The following KLRG1 variants were observed in gnomAD, a reference collection of about 807,000 sequenced individuals.
KLRG1 encodes killer cell lectin like receptor G1.
In KLRG1, 16 loss-of-function variants were observed where a neutral mutation model predicts 21.8. That is an observed-to-expected ratio of 0.73 (90% confidence interval 0.50 to 1.11). The LOEUF (loss-of-function observed/expected upper bound fraction) is 1.11, where lower values mean the gene tolerates loss of function less well. Among genes scored for constraint, KLRG1 ranks in the 50% most tolerant of loss-of-function variants. The pLI is 0.00. For missense variants in KLRG1, 173 were observed against 218.3 expected, an observed-to-expected ratio of 0.79 and a Z score of 1.31; for synonymous variants, 69 against 75.9, an observed-to-expected ratio of 0.91 and a Z score of 0.47.
the KLRG1 span, among the ~76,000 whole-genome samples, chr12:9,114,799 G>A: frequency 6.6e-6 from 1 of 151,938 alleles, no homozygotes; most frequent in Non-Finnish European, 1.5e-5. Flanking sequence ...TAAATAGAAT[G>A]TAACCATAAA....
chr12:9,035,694 A>G, the KLRG1 span, among the ~76,000 whole-genome samples: 2 of 152,180 alleles, frequency 1.3e-5, no homozygotes, highest in Non-Finnish European at 2.9e-5. Flanking sequence ...AGGCACATGC[A>G]CGTGCATGTT....
chr12:8,955,500 C>T (rs77380833), intron 1 of KLRG1, among the ~76,000 whole-genome samples: 2,523 of 130,248 alleles, frequency 0.019, 79 homozygotes, highest in African/African-American at 0.061. Context: ...AAATGATCCT[C>T]CCAGCTAGCC....
At chr12:9,194,387 T>C in the KLRG1 span, 1 of 640,986 alleles carries the variant, frequency 1.6e-6, no homozygotes, top group Non-Finnish European at 2.6e-6. Flanking sequence ...GACAAAATGT[T>C]TCCTTCCATT....
chr12:9,213,849 A>C, the KLRG1 span, among the ~76,000 whole-genome samples: 1 of 152,064 alleles, frequency 6.6e-6, no homozygotes, highest in African/African-American at 2.4e-5. Flanking sequence ...ATACAATTTA[A>C]AACATTTTTT....
the KLRG1 span, among the ~76,000 whole-genome samples, chr12:9,021,194 C>A: frequency 6.6e-6 from 1 of 152,044 alleles, no homozygotes; most frequent in Admixed American, 6.5e-5. Context: ...TGACACTTAC[C>A]ATGAATGGAA....
the KLRG1 span, chr12:9,202,707 C>T: frequency 6.2e-7 from 1 of 1,608,500 alleles, no homozygotes; most frequent in African/African-American, 1.3e-5. Flanking sequence ...GGATTTTTTA[C>T]TACTGAGGAA....
the KLRG1 span, among the ~76,000 whole-genome samples, chr12:9,037,567 G>A: frequency 6.6e-6 from 1 of 152,148 alleles, no homozygotes; most frequent in Non-Finnish European, 1.5e-5. Context: ...TATACAGTGT[G>A]TATAAAGTCT....
chr12:8,985,343 A>G (rs1195924226), upstream of KLRG1, among the ~76,000 whole-genome samples: 1 of 152,144 alleles, frequency 6.6e-6, no homozygotes, highest in Non-Finnish European at 1.5e-5. Context: ...GCACTACCAC[A>G]ATTATCAACA....
At chr12:9,152,893 A>C in the KLRG1 span, 12 of 1,614,126 alleles carry the variant, frequency 7.4e-6, no homozygotes, top group Non-Finnish European at 8.5e-6. Context: ...CACAGTCTGC[A>C]CTTTTAAAGC....
chr12:9,163,822 C>A, the KLRG1 span: 1 of 1,600,664 alleles, frequency 6.2e-7, no homozygotes, highest in South Asian at 1.1e-5. Context: ...CATGAGTATC[C>A]ACTTTGATAG....
the KLRG1 span, among the ~76,000 whole-genome samples, chr12:9,183,143 T>G: frequency 6.6e-6 from 1 of 152,216 alleles, no homozygotes; most frequent in Admixed American, 6.5e-5. Flanking sequence ...AAATTAAGTC[T>G]AATACCCTTA....
At chr12:9,005,757 C>A (rs1022994843) in intron 3 of KLRG1, among the ~76,000 whole-genome samples, 2 of 152,226 alleles carry the variant, frequency 1.3e-5, no homozygotes, top group Non-Finnish European at 2.9e-5. Context: ...CAGGATGAAA[C>A]TGTTCCACCT....
the KLRG1 span, chr12:9,036,608 AC>A: frequency 1.7e-3 from 300 of 178,586 alleles, 2 homozygotes; most frequent in African/African-American, 6.7e-3. Flanking sequence ...AAAATGAGAC[AC>A]TGTTAATACT....
chr12:9,176,533 A>G, the KLRG1 span, among the ~76,000 whole-genome samples: 2 of 152,282 alleles, frequency 1.3e-5, no homozygotes, highest in South Asian at 4.1e-4. Flanking sequence ...ACATAGGCAC[A>G]TAAATGAACT....
intron 1 of KLRG1, among the ~76,000 whole-genome samples, chr12:8,980,728 T>C (rs982440024): frequency 8.0e-4 from 122 of 152,274 alleles, no homozygotes; most frequent in African/African-American, 2.8e-3. Context: ...GCTCTAGCTT[T>C]GGAGGGGGTG....
the KLRG1 span, among the ~76,000 whole-genome samples, chr12:9,134,059 G>T: frequency 6.6e-6 from 1 of 152,160 alleles, no homozygotes; most frequent in Non-Finnish European, 1.5e-5. Context: ...AATGCTGCTG[G>T]CAAGAAGCCT....
chr12:9,200,758 C>T, the KLRG1 span: 1 of 949,248 alleles, frequency 1.1e-6, no homozygotes, highest in Non-Finnish European at 1.6e-6. Context: ...TTCACACCGT[C>T]CTAATGGTCT....
At chr12:9,127,866 C>T in the KLRG1 span, 1 of 260,116 alleles carries the variant, frequency 3.8e-6, no homozygotes, top group Non-Finnish European at 7.8e-6. Context: ...GCCCCGGGGC[C>T]CCGGCAATTA....
At chr12:9,054,277 G>A in the KLRG1 span, among the ~76,000 whole-genome samples, 1 of 152,026 alleles carries the variant, frequency 6.6e-6, no homozygotes, top group Non-Finnish European at 1.5e-5. Flanking sequence ...TAGAAGTTTG[G>A]TGATGTTTCT....
Sources: allele counts gnomAD v4.1 joint callset (sites outside exome capture counted in the v4.1 genomes callset), GRCh38; gene constraint gnomAD v4.1.1; transcripts MANE v1.5; gene names NCBI Gene and HGNC (gene_info 2026-07-23, HGNC 2026-07-21).